DAPP1: variants seen among roughly 807,000 people sequenced by gnomAD.
DAPP1 encodes dual adaptor of phosphotyrosine and 3-phosphoinositides 1.
Under a neutral mutation model 41.5 loss-of-function variants are expected in DAPP1, and 20 were observed. The ratio of observed to expected loss-of-function variants is 0.48; its 90% CI spans 0.34 to 0.70. DAPP1 has a LOEUF of 0.70. Among genes scored for constraint, DAPP1 ranks in the 30% least tolerant of loss-of-function variants. DAPP1 has a pLI of 0.01. For synonymous variants in DAPP1, 113 were observed against 116.2 expected (o/e 0.97, Z 0.18); for missense variants, 233 against 333.4 (o/e 0.70, Z 2.35).
chr4:99,860,447 A>G lies in DAPP1; in HGVS notation c.490-1131A>G, dbSNP rs535450922. Among the ~76,000 whole-genome samples, 8 of 152,238 alleles carry G rather than the reference A, an allele frequency of 5.3e-5. No individual in the cohort carries two copies. The South Asian group carries it at 1.0e-3, about 20-fold the overall frequency. ...TATAACACCTGAATTCAACTGAGTC[A>G]ATTCAATTTATTTAATGTTAAAATA... On this transcript the variant is annotated intron_variant, in intron 4 of 8. Transcript: ENST00000512369.
intron 1 of DAPP1, among the ~76,000 whole-genome samples, chr4:99,828,294 T>C (rs1452867050): frequency 6.6e-6 from 1 of 152,240 alleles, no homozygotes; most frequent in Non-Finnish European, 1.5e-5. Flanking sequence ...TCAATATTCA[T>C]TCAAAATAAA....
At chr4:99,857,473 G>A (rs561759404) in intron 4 of DAPP1, among the ~76,000 whole-genome samples, 64 of 152,058 alleles carry the variant, frequency 4.2e-4, no homozygotes, top group Admixed American at 1.2e-3. Flanking sequence ...GGTATTTGAC[G>A]TTTTTAACAA....
rs762875011 is a variant in DAPP1 at position 99,868,213 on chromosome 4, C to G, written c.*28C>G. 6.3e-7 allele frequency: 1 copy of G among 1,588,940 alleles called. No individual in the cohort carries two copies. Among genetic ancestry groups the G allele is most frequent in the East Asian group, 2.2e-5 (1 of 44,744 alleles). ...CTTTCTTGCCAAGGAATGCTCTGGC[C>G]CAGGAGCAAGGTGGAATGTTTCCCT... On this transcript the variant is annotated 3_prime_UTR_variant, in exon 9 of 9. Transcript: ENST00000512369.
intron 1 of DAPP1, among the ~76,000 whole-genome samples, chr4:99,828,169 A>C (rs1723004560): frequency 6.6e-6 from 1 of 152,196 alleles, no homozygotes; most frequent in Non-Finnish European, 1.5e-5. Flanking sequence ...TTCTGACAAG[A>C]TCCCAGGTGA....
chr4:99,817,094 G>GACT lies in DAPP1; in HGVS notation c.101+82_101+84dup, dbSNP rs878961678. 4.6e-6 allele frequency: 5 copies of GACT among 1,094,360 alleles called. No homozygotes were observed. In the South Asian group the frequency reaches 5.9e-5, roughly 13 times the overall value. 67.8% of individuals were successfully genotyped at this position (1,094,360 alleles called of 1,614,324 possible). On this transcript the variant is annotated intron_variant, in intron 1 of 8. Transcript: ENST00000512369. ...CTCCCACCTGCATGCTTTGATTAATGACTATCTTCAGTGCCTTGTTGCCCT... is the reference window on the plus strand; with the variant it reads ...CTCCCACCTGCATGCTTTGATTAATGACTACTATCTTCAGTGCCTTGTTGCCCT...
intron 4 of DAPP1, among the ~76,000 whole-genome samples, chr4:99,857,000 A>G (rs1560705684): frequency 1.3e-5 from 2 of 152,222 alleles, no homozygotes; most frequent in Non-Finnish European, 2.9e-5. Context: ...CATACTTTAA[A>G]TATCAGTCTG....
rs1166058393 is a variant in DAPP1, at chr4:99,869,473, A to C, written c.*1288A>C. ...TGATATAAACTGCTCTTGCAGTCCA[A>C]AGGGATACCTGATTAAAGAAGTTTC... On this transcript the variant is annotated 3_prime_UTR_variant, in exon 9 of 9. Coordinates refer to ENST00000512369, the MANE Select transcript of DAPP1 (RefSeq NM_014395.3). The C allele has an allele frequency of 6.6e-6, 1 of 152,216 alleles. No individual in the cohort carries two copies. Among genetic ancestry groups the C allele is most frequent in the Non-Finnish European group, 1.5e-5 (1 of 68,042 alleles). The allele number at this position is 152,216 out of a possible 1,614,324, so 9.4% of individuals were successfully genotyped here.
chr4:99,825,582 C>T (rs1190303420), intron 1 of DAPP1, among the ~76,000 whole-genome samples: 2 of 152,184 alleles, frequency 1.3e-5, no homozygotes, highest in African/African-American at 4.8e-5. Context: ...GCTCTTAGCT[C>T]ATGTAAACAT....
chr4:99,817,256 G>GA (rs936880494), intron 1 of DAPP1, among the ~76,000 whole-genome samples: 3 of 152,218 alleles, frequency 2.0e-5, no homozygotes, highest in East Asian at 1.9e-4. Context: ...AGAAAATAGG[G>GA]AAAAAAATCA....
intron 3 of DAPP1, among the ~76,000 whole-genome samples, chr4:99,849,726 C>T (rs145477792): frequency 6.3e-4 from 96 of 152,288 alleles, no homozygotes; most frequent in African/African-American, 2.3e-3. Flanking sequence ...ATTAAGTTTG[C>T]AGATGGAATT....
At chr4:99,849,524 C>A (rs1344712192) in intron 3 of DAPP1, among the ~76,000 whole-genome samples, 2 of 152,178 alleles carry the variant, frequency 1.3e-5, no homozygotes, top group Non-Finnish European at 2.9e-5. Flanking sequence ...CAGTGGCTGT[C>A]TAATACCAAG....
intron 4 of DAPP1, among the ~76,000 whole-genome samples, chr4:99,858,848 G>A (rs1021076306): frequency 1.3e-5 from 2 of 151,932 alleles, no homozygotes; most frequent in African/African-American, 4.8e-5. Flanking sequence ...GCCAGTCGGG[G>A]AAAGAGCCCT....
intron 3 of DAPP1, among the ~76,000 whole-genome samples, chr4:99,840,915 A>G (rs1425309301): frequency 6.6e-6 from 1 of 152,206 alleles, no homozygotes; most frequent in African/African-American, 2.4e-5. Flanking sequence ...TATGGCTGGA[A>G]AAGTTTGAAT....
In DAPP1 at chr4:99,868,283, A is replaced by G. The variant is rs1468153172; in HGVS notation, c.*98A>G. 1 of 1,120,646 alleles carries G rather than the reference A, an allele frequency of 8.9e-7. No individual in the cohort carries two copies. The highest frequency in any genetic ancestry group is 1.6e-5 in the African/African-American group (1 of 64,360). The allele number at this position is 1,120,646 out of a possible 1,614,324, so 69.4% of individuals were successfully genotyped here. ...GGCTTCAAATGAAAACCGACTAAGG[A>G]TTTTCTTTCAAAAACAAATCAGAAG... On this transcript the variant is annotated 3_prime_UTR_variant, in exon 9 of 9. Transcript: ENST00000512369.
chr4:99,844,753 G>A (rs989594168), intron 3 of DAPP1: 1 of 152,130 alleles, frequency 6.6e-6, no homozygotes, highest in Non-Finnish European at 1.5e-5. Context: ...ATCTCATCTG[G>A]TTTTTTGGTA....
At chr4:99,820,179 G>GAA (rs1197677751) in intron 1 of DAPP1, among the ~76,000 whole-genome samples, 1 of 152,156 alleles carries the variant, frequency 6.6e-6, no homozygotes, top group East Asian at 1.9e-4. Flanking sequence ...GGAGAATCAG[G>GAA]GGAGAGGAAG....
intron 1 of DAPP1, among the ~76,000 whole-genome samples, chr4:99,828,117 A>T (rs1004793721): frequency 5.9e-5 from 9 of 152,222 alleles, no homozygotes; most frequent in Non-Finnish European, 1.2e-4. Flanking sequence ...GGATAAGAGT[A>T]CTATAGAGTT....
chr4:99,862,046 C>T (rs1248166810), intron 5 of DAPP1, among the ~76,000 whole-genome samples: 3 of 152,160 alleles, frequency 2.0e-5, no homozygotes, highest in Admixed American at 6.5e-5. Context: ...AAGAAAAACA[C>T]AATTTAAGCT....
chr4:99,854,584 G>C (rs939788931), intron 4 of DAPP1, among the ~76,000 whole-genome samples: 11 of 151,966 alleles, frequency 7.2e-5, no homozygotes, highest in African/African-American at 1.9e-4. Flanking sequence ...GGCCCACCTG[G>C]ACCCTGCTTG....
Sources: gnomAD v4.1 joint callset for allele counts (sites outside exome capture counted in the v4.1 genomes callset) on GRCh38, gnomAD v4.1.1 for gene constraint, MANE v1.5 for transcripts, NCBI Gene and HGNC (gene_info 2026-07-23, HGNC 2026-07-21) for gene names.